Variants in ENOX1 observed in about 807,000 individuals in gnomAD.
ENOX1 encodes candidate growth-related and time keeping constitutive hydroquinone (NADH) oxidase.
In ENOX1, 42 loss-of-function variants were observed where a neutral mutation model predicts 82.5. That is an observed-to-expected ratio of 0.51 (90% CI 0.40 to 0.66). The LOEUF (loss-of-function observed/expected upper bound fraction) is 0.66. Ranked by LOEUF, ENOX1 falls within the 30% of genes least tolerant of loss-of-function variation. The pLI, the probability that ENOX1 is intolerant of heterozygous loss-of-function variation, is 0.00. For missense variants in ENOX1, 608 were observed against 811.6 expected, an observed-to-expected ratio of 0.75 and a Z score of 3.05; for synonymous variants, 271 against 282.2, an observed-to-expected ratio of 0.96 and a Z score of 0.40.
At chr13:43,385,129 T>C (rs1471788888) in intron 5 of ENOX1, among the ~76,000 whole-genome samples, 1 of 152,092 alleles carries the variant, frequency 6.6e-6, no homozygotes, top group Non-Finnish European at 1.5e-5. Context: ...AATGAGTCCT[T>C]TTTTCTGTAC....
chr13:43,736,014 AACTCCTTC>A (rs1320185334), intron 1 of ENOX1, among the ~76,000 whole-genome samples: 17 of 152,108 alleles, frequency 1.1e-4, no homozygotes, highest in Admixed American at 3.3e-4. Context: ...TTTCAGGACT[AACTCCTTC>A]CATTTCCCTT....
At chr13:43,408,407 GA>G (rs147774870) in intron 5 of ENOX1, among the ~76,000 whole-genome samples, 1,742 of 152,272 alleles carry the variant, frequency 0.011, 31 homozygotes, top group African/African-American at 0.04. Context: ...AACTTTGGGA[GA>G]AAGCCAAGTA....
intron 5 of ENOX1, among the ~76,000 whole-genome samples, chr13:43,375,950 T>C (rs1186403498): frequency 6.6e-6 from 1 of 152,198 alleles, no homozygotes; most frequent in Non-Finnish European, 1.5e-5. Flanking sequence ...ATACCAAAAG[T>C]GCACACGTTG....
intron 1 of ENOX1, among the ~76,000 whole-genome samples, chr13:43,763,884 AC>A (rs1951124980): frequency 6.6e-6 from 1 of 152,212 alleles, no homozygotes; most frequent in African/African-American, 2.4e-5. Flanking sequence ...AAATGTGAAC[AC>A]TATCTAGAAA....
chr13:43,715,049 C>G (rs940538183), intron 1 of ENOX1, among the ~76,000 whole-genome samples: 6 of 152,028 alleles, frequency 3.9e-5, no homozygotes, highest in Admixed American at 1.3e-4. Flanking sequence ...TGGCTGGTAC[C>G]GGTTGTTCCT....
intron 1 of ENOX1, among the ~76,000 whole-genome samples, chr13:43,706,119 A>C (rs1227164545): frequency 1.3e-5 from 2 of 152,012 alleles, no homozygotes; most frequent in Non-Finnish European, 2.9e-5. Context: ...TAACATATAA[A>C]AATGTGTGAG....
rs2041924122 is a variant in ENOX1, at chr13:43,224,152, G to T, written c.1715-14C>A. 7 of 1,601,204 alleles carry T rather than the reference G, an allele frequency of 4.4e-6. No individual in the cohort carries two copies. The highest frequency in any genetic ancestry group is 6.0e-6 in the Non-Finnish European group (7 of 1,168,448). ...TTGATATGATACCTGAATTAAAAAG[G>T]CAAACATTGGAAATTATTCAAAGGC... On this transcript the variant is annotated splice_polypyrimidine_tract_variant and intron_variant, in intron 15 of 16. Transcript: ENST00000690772.
At chr13:43,417,562 G>A (rs1056870061) in intron 3 of ENOX1, among the ~76,000 whole-genome samples, 3 of 152,160 alleles carry the variant, frequency 2.0e-5, no homozygotes, top group East Asian at 3.9e-4. Flanking sequence ...AGACCATAAT[G>A]CCTAATTTAT....
At chr13:43,781,510 T>G (rs1389908471) in intron 1 of ENOX1, among the ~76,000 whole-genome samples, 1 of 152,164 alleles carries the variant, frequency 6.6e-6, no homozygotes, top group African/African-American at 2.4e-5. Flanking sequence ...AATACTACTT[T>G]TGTCCACTAT....
intron 1 of ENOX1, among the ~76,000 whole-genome samples, chr13:43,673,421 A>T (rs1051959388): frequency 6.6e-5 from 10 of 152,202 alleles, no homozygotes; most frequent in Admixed American, 1.3e-4. Context: ...GACTGGGTGA[A>T]TGCCTCTATA....
intron 5 of ENOX1, among the ~76,000 whole-genome samples, chr13:43,380,806 G>A (rs1594237721): frequency 6.6e-6 from 1 of 151,548 alleles, no homozygotes; most frequent in East Asian, 1.9e-4. Context: ...TATAATTATG[G>A]ATAAATGAGT....
chr13:43,287,737 C>T (rs1452144313), intron 12 of ENOX1, among the ~76,000 whole-genome samples: 1 of 152,204 alleles, frequency 6.6e-6, no homozygotes, highest in African/African-American at 2.4e-5. Flanking sequence ...CTCTCATCTT[C>T]ATTTTTAGTC....
At chr13:43,373,164 TC>T (rs1290249070) in intron 5 of ENOX1, among the ~76,000 whole-genome samples, 1 of 151,720 alleles carries the variant, frequency 6.6e-6, no homozygotes, top group Non-Finnish European at 1.5e-5. Context: ...TTCATGTCCT[TC>T]CTTTAAAAAA....
chr13:43,417,081 C>T (rs879339487), intron 3 of ENOX1, among the ~76,000 whole-genome samples: 3 of 152,184 alleles, frequency 2.0e-5, no homozygotes, highest in Admixed American at 6.5e-5. Context: ...TGGTGGCGTG[C>T]GCCTGCAATC....
In ENOX1 at chr13:43,360,075, A is replaced by C; in HGVS notation, c.383-18T>G. The stretch of plus-strand genomic sequence containing the variant: ...TGGAAGATCTAATAATCACAACAAA[A>C]CAGAAAGTTTTATCTTTCATTTATT... On this transcript the variant is annotated intron_variant, in intron 6 of 16. Coordinates refer to ENST00000690772, the MANE Select transcript of ENOX1 (RefSeq NM_001347969.2). 6.2e-7 allele frequency: 1 copy of C among 1,610,240 alleles called. No individual in the cohort carries two copies.
chr13:43,366,346 C>T (rs1480288492), intron 5 of ENOX1, among the ~76,000 whole-genome samples: 1 of 152,056 alleles, frequency 6.6e-6, no homozygotes, highest in Non-Finnish European at 1.5e-5. Context: ...ACAATCTCAG[C>T]TCACTGCAAG....
chr13:43,491,987 T>C (rs529049968), intron 2 of ENOX1, among the ~76,000 whole-genome samples: 9 of 152,160 alleles, frequency 5.9e-5, no homozygotes, highest in Non-Finnish European at 1.0e-4. Flanking sequence ...CTGCTCACTA[T>C]GTTATATAGT....
intron 2 of ENOX1, among the ~76,000 whole-genome samples, chr13:43,579,560 C>CACTATCTTTTTAT (rs2080608814): frequency 6.6e-6 from 1 of 152,156 alleles, no homozygotes; most frequent in East Asian, 1.9e-4. Context: ...TGCAGAACTT[C>CACTATCTTTTTAT]CTGTTTATCT....
intron 8 of ENOX1, among the ~76,000 whole-genome samples, chr13:43,348,024 C>T (rs1434353239): frequency 6.6e-6 from 1 of 152,178 alleles, no homozygotes; most frequent in Non-Finnish European, 1.5e-5. Flanking sequence ...TTCCATCCGT[C>T]CGTCCCCGCT....
Sources: gnomAD v4.1 joint callset for allele counts (sites outside exome capture counted in the v4.1 genomes callset) on GRCh38, gnomAD v4.1.1 for gene constraint, MANE v1.5 for transcripts, NCBI Gene and HGNC (gene_info 2026-07-23, HGNC 2026-07-21) for gene names.